Variants in TSNARE1 observed in about 807,000 individuals in gnomAD.
TSNARE1 encodes the protein t-SNARE domain-containing protein 1.
A neutral mutation model predicts 62.0 loss-of-function variants in TSNARE1; 49 were observed. That is an observed-to-expected ratio of 0.79 (90% confidence interval 0.63 to 1.00). The LOEUF (loss-of-function observed/expected upper bound fraction) is 1.00, where lower values mean the gene tolerates loss of function less well. TSNARE1 is among the 50% of genes least tolerant of loss of function. The pLI, the probability that TSNARE1 is intolerant of heterozygous loss-of-function variation, is 0.00. For synonymous variants in TSNARE1, 328 were observed against 294.4 expected (o/e 1.11, Z -1.17); for missense variants, 755 against 700.1 (o/e 1.08, Z -0.88).
chr8:142,333,782 G>A (rs754723523), intron 4 of TSNARE1, among the ~76,000 whole-genome samples: 6 of 152,198 alleles, frequency 3.9e-5, no homozygotes, highest in Non-Finnish European at 8.8e-5. Flanking sequence ...CCCAGTCCCA[G>A]GCCTCCCGGT....
At chr8:142,364,503 C>T (rs1039676334) in intron 1 of TSNARE1, among the ~76,000 whole-genome samples, 4 of 152,222 alleles carry the variant, frequency 2.6e-5, no homozygotes, top group African/African-American at 4.8e-5. Context: ...CACACCCCCA[C>T]AGCAATGGGC....
At chr8:142,283,227 T>G (rs529578577) in intron 11 of TSNARE1, among the ~76,000 whole-genome samples, 1 of 148,680 alleles carries the variant, frequency 6.7e-6, no homozygotes, top group Admixed American at 6.7e-5. Context: ...GCGGGATCAG[T>G]GTCTGCCAAT....
At chr8:142,384,435 A>G (rs1189055840) in intron 1 of TSNARE1, among the ~76,000 whole-genome samples, 1 of 152,256 alleles carries the variant, frequency 6.6e-6, no homozygotes, top group African/African-American at 2.4e-5. Context: ...AACACGCTAC[A>G]AAGCTACAGT....
intron 1 of TSNARE1, among the ~76,000 whole-genome samples, chr8:142,401,230 T>C (rs1838268419): frequency 6.6e-6 from 1 of 152,142 alleles, no homozygotes; most frequent in South Asian, 2.1e-4. Context: ...CAAAACCTGC[T>C]AGGTGCTTAT....
At chr8:142,213,966 C>G (rs1161611234) in intron 13 of TSNARE1, among the ~76,000 whole-genome samples, 1 of 152,200 alleles carries the variant, frequency 6.6e-6, no homozygotes, top group East Asian at 1.9e-4. Flanking sequence ...GCCAGCCCCC[C>G]CGGGAAGCCC....
chr8:142,257,331 G>A (rs1457711153), intron 12 of TSNARE1, among the ~76,000 whole-genome samples: 1 of 152,194 alleles, frequency 6.6e-6, no homozygotes, highest in East Asian at 1.9e-4. Context: ...CGGTGCTCAG[G>A]AGGGGCCTGC....
At chr8:142,313,627 C>G (rs1276638870) in intron 9 of TSNARE1, among the ~76,000 whole-genome samples, 1 of 151,778 alleles carries the variant, frequency 6.6e-6, no homozygotes, top group Non-Finnish European at 1.5e-5. Flanking sequence ...CTCTGTGTAT[C>G]TGTGTGTCTC....
rs58755110 is a variant in TSNARE1 at position 142,311,290 on chromosome 8, G to GTTTTTTTTTTTTT, written c.1131+3081_1131+3093dup. Among the ~76,000 whole-genome samples the GTTTTTTTTTTTTT allele has an allele frequency of 8.2e-4, 47 of 57,346 alleles. 3 individuals are homozygous for GTTTTTTTTTTTTT. The highest frequency in any genetic ancestry group is 3.5e-3 in the African/African-American group (38 of 10,730). The allele number at this position is 57,346 out of a possible 152,430, so 37.6% of individuals were successfully genotyped here. On this transcript the variant is annotated intron_variant, in intron 9 of 13. Transcript: ENST00000524325. ...CGATTCTCCTGCCTCAGCCTCTCTA[G>GTTTTTTTTTTTTT]TTTTTTTTTTTTTTTTTTTTTTTTG...
At chr8:142,300,324 C>T in intron 10 of TSNARE1, 162 bp downstream of exon 10, 1 of 743,976 alleles carries the variant, frequency 1.3e-6, no homozygotes, top group Non-Finnish European at 2.1e-6. Context: ...GACCAGATGG[C>T]CAGAGAGAGG....
In TSNARE1 at chr8:142,278,607, C is replaced by T. The variant is rs1820888436; in HGVS notation, c.1364-3744G>A. On this transcript the variant is annotated intron_variant, in intron 11 of 13. Transcript: ENST00000524325. Reference sequence around the variant, plus strand: ...GGCACGGAGGCGGCAGGAGGAAGCACGGAGCCAGCATCACCCTCAGAGCCA... The same window carrying T: ...GGCACGGAGGCGGCAGGAGGAAGCATGGAGCCAGCATCACCCTCAGAGCCA... The T allele has an allele frequency of 8.1e-6, 8 of 985,434 alleles. No individual in the cohort carries two copies. The South Asian group carries it at 3.8e-4, about 46-fold the overall frequency. The allele number at this position is 985,434 out of a possible 1,614,324, so 61.0% of individuals were successfully genotyped here.
At chr8:142,355,606 C>A (rs1174272638) in intron 1 of TSNARE1, among the ~76,000 whole-genome samples, 1 of 152,196 alleles carries the variant, frequency 6.6e-6, no homozygotes, top group Non-Finnish European at 1.5e-5. Context: ...GCCAGAGCGT[C>A]CTCCCTGTGT....
At chr8:142,216,044 T>C (rs543632485) in intron 13 of TSNARE1, among the ~76,000 whole-genome samples, 21 of 152,276 alleles carry the variant, frequency 1.4e-4, no homozygotes, top group Non-Finnish European at 1.9e-4. Flanking sequence ...TGAGTGGCCC[T>C]GTGATGGGGC....
chr8:142,329,778 A>G (rs954843143), intron 6 of TSNARE1, among the ~76,000 whole-genome samples: 9 of 152,116 alleles, frequency 5.9e-5, no homozygotes, highest in African/African-American at 2.2e-4. Flanking sequence ...CAAATTCCCT[A>G]TCATGAGCCT....
rs1305294888 is a variant in TSNARE1 at position 142,269,661 on chromosome 8, G to T, written c.1446+5120C>A. 9 of 985,256 alleles carry T rather than the reference G, an allele frequency of 9.1e-6. No individual in the cohort carries two copies. In the Admixed American group the frequency reaches 5.5e-4, roughly 61 times the overall value. The allele number at this position is 985,256 out of a possible 1,614,324, so 61.0% of individuals were successfully genotyped here. Reference sequence around the variant, plus strand: ...GGTATTTTTAATGGACAAGAACCCAGAATGAAGATCTACAGAGGCTTCCTG... The same window carrying T: ...GGTATTTTTAATGGACAAGAACCCATAATGAAGATCTACAGAGGCTTCCTG... On this transcript the variant is annotated intron_variant, in intron 12 of 13. Coordinates refer to ENST00000524325, the MANE Select transcript of TSNARE1 (RefSeq NM_145003.5).
At chr8:142,372,456 C>T (rs544259313) in intron 1 of TSNARE1, among the ~76,000 whole-genome samples, 5 of 152,334 alleles carry the variant, frequency 3.3e-5, no homozygotes, top group African/African-American at 1.2e-4. Context: ...GATGGACCCC[C>T]TCTTTAAGAG....
At chr8:142,316,686 C>T (rs1316433744) in intron 7 of TSNARE1, among the ~76,000 whole-genome samples, 2 of 151,758 alleles carry the variant, frequency 1.3e-5, no homozygotes, top group Non-Finnish European at 2.9e-5. Context: ...CTGACAACTG[C>T]TCATCGACTT....
chr8:142,252,245 G>A (rs750447714), intron 12 of TSNARE1, among the ~76,000 whole-genome samples: 6 of 152,290 alleles, frequency 3.9e-5, no homozygotes, highest in African/African-American at 7.2e-5. Flanking sequence ...GTAAACAGAC[G>A]GCTGCTTCAT....
rs929773099 is a variant in TSNARE1 at position 142,275,012 on chromosome 8, G to A, written c.1364-149C>T. 1.9e-5 allele frequency: 26 copies of A among 1,370,584 alleles called. No homozygotes were observed. In the African/African-American group the frequency reaches 2.3e-4, roughly 12 times the overall value. 84.9% of individuals were successfully genotyped at this position (1,370,584 alleles called of 1,614,324 possible). ...AGGGATGGGCGCTGGGCTGCCAGAC[G>A]TGCCGAGGGCTCCGCGTGGTGTGGG... On this transcript the variant is annotated intron_variant, in intron 11 of 13. Transcript: ENST00000524325.
intron 13 of TSNARE1, among the ~76,000 whole-genome samples, chr8:142,229,225 A>G (rs1051108648): frequency 2.2e-4 from 31 of 138,598 alleles, no homozygotes; most frequent in African/African-American, 8.7e-4. Flanking sequence ...TGGTGGGTGG[A>G]TGGATGGATG....
Sources: allele counts gnomAD v4.1 joint callset (sites outside exome capture counted in the v4.1 genomes callset), GRCh38; gene constraint gnomAD v4.1.1; transcripts MANE v1.5; gene names NCBI Gene and HGNC (gene_info 2026-07-23, HGNC 2026-07-21).